The following DPYD variants were observed in gnomAD, a reference collection of about 807,000 sequenced individuals.
DPYD encodes dihydropyrimidine dehydrogenase [NADP(+)].
In DPYD, 109 loss-of-function variants were observed where a neutral mutation model predicts 116.2. The observed-to-expected ratio is 0.94, with a 90% CI of 0.80 to 1.10. The LOEUF is 1.10. Ranked by LOEUF, DPYD falls within the 50% of genes least tolerant of loss-of-function variation. DPYD has a pLI of 0.00. For synonymous variants in DPYD, 440 were observed against 432.0 expected, an observed-to-expected ratio of 1.02 and a Z score of -0.23; for missense variants, 1,302 against 1,254.5, an observed-to-expected ratio of 1.04 and a Z score of -0.57.
chr1:97,129,291 C>A (rs1462663491), intron 20 of DPYD, among the ~76,000 whole-genome samples: 1 of 151,974 alleles, frequency 6.6e-6, no homozygotes, highest in Non-Finnish European at 1.5e-5. Context: ...GTCTCGAACT[C>A]CTAACCTCAG....
intron 3 of DPYD, among the ~76,000 whole-genome samples, chr1:97,744,375 T>C (rs185823309): frequency 1.3e-4 from 20 of 152,164 alleles, no homozygotes; most frequent in Middle Eastern, 3.4e-3. Flanking sequence ...TTTGGAATTG[T>C]AACCTATGCT....
chr1:97,578,465 GA>G (rs914989562), intron 10 of DPYD, among the ~76,000 whole-genome samples: 60 of 148,234 alleles, frequency 4.0e-4, no homozygotes, highest in Middle Eastern at 3.4e-3. Context: ...GCCTCACAAA[GA>G]AAAAAAAAAT....
intron 5 of DPYD, among the ~76,000 whole-genome samples, chr1:97,713,123 T>C (rs1291493898): frequency 6.6e-6 from 1 of 152,120 alleles, no homozygotes; most frequent in Non-Finnish European, 1.5e-5. Context: ...GGCTTAAATG[T>C]TAACTTACAG....
intron 8 of DPYD, among the ~76,000 whole-genome samples, chr1:97,677,094 C>T (rs1413312203): frequency 6.6e-6 from 1 of 152,104 alleles, no homozygotes; most frequent in Non-Finnish European, 1.5e-5. Flanking sequence ...AATTAAAAAG[C>T]TGAAACACTA....
rs753950237 is a variant in DPYD, at chr1:97,082,400, G to A, written c.2837C>T (p.Ala946Val). 3 of 1,613,522 alleles carry A rather than the reference G, an allele frequency of 1.9e-6. No individual in the cohort carries two copies. The East Asian group carries it at 6.7e-5, about 36-fold the overall frequency. ...GATACACATTTCTTCATCAATCATAGCCACAACTTGCTCTACGTTGCTCAA... is the reference window on the plus strand; with the variant it reads ...GATACACATTTCTTCATCAATCATAACCACAACTTGCTCTACGTTGCTCAA... Reference protein sequence around the residue: ...GELSNVEQVVAMIDEEMCINC... With the variant: ...GELSNVEQVVVMIDEEMCINC... The change falls in exon 22 of 23, where the codon GCT becomes GTT. Residue 946 changes from alanine to valine, a missense_variant. Ala to Val is a moderately conservative substitution (Grantham distance 64, BLOSUM62 0). Transcript: ENST00000370192.
At chr1:97,335,449 A>G (rs1174995254) in intron 16 of DPYD, among the ~76,000 whole-genome samples, 1 of 152,172 alleles carries the variant, frequency 6.6e-6, no homozygotes, top group African/African-American at 2.4e-5. Flanking sequence ...TGATTGCAGG[A>G]GAACTTTGAG....
At chr1:97,689,768 G>C (rs573463721) in intron 7 of DPYD, among the ~76,000 whole-genome samples, 1 of 152,132 alleles carries the variant, frequency 6.6e-6, no homozygotes, top group South Asian at 2.1e-4. Context: ...CCCACTTATG[G>C]CTAAAGTTCG....
chr1:97,571,294 G>T (rs1046232464), intron 11 of DPYD, among the ~76,000 whole-genome samples: 1 of 151,934 alleles, frequency 6.6e-6, no homozygotes, highest in Non-Finnish European at 1.5e-5. Context: ...TTGTTTCCAA[G>T]TCTTTTACAT....
At chr1:97,390,486 G>T (rs144133763) in intron 14 of DPYD, among the ~76,000 whole-genome samples, 7 of 152,136 alleles carry the variant, frequency 4.6e-5, no homozygotes, top group African/African-American at 1.7e-4. Flanking sequence ...CAAATTTAGT[G>T]AAAGTGAGAT....
chr1:97,451,590 G>C (rs2101797358), intron 13 of DPYD, among the ~76,000 whole-genome samples: 1 of 152,100 alleles, frequency 6.6e-6, no homozygotes, highest in East Asian at 1.9e-4. Flanking sequence ...TTGCTATTGT[G>C]AAACCATGTT....
Position 97,740,427 on chromosome 1 carries a change from C to G in DPYD, c.286G>C (p.Asp96His), listed in dbSNP as rs773159364. Residue 96 changes from aspartate to histidine, a missense_variant, in exon 4 of 23, where the codon GAT becomes CAT. Transcript: ENST00000370192. ...PCQKSCPTNLDIKSFITSIAN... is the reference protein window; with the variant it reads ...PCQKSCPTNLHIKSFITSIAN... Reference sequence around the variant, plus strand: ...ATACTTGTGATGAATGATTTAATATCAAGATTAGTTGGACAGCTCTTCTGA... The same window carrying G: ...ATACTTGTGATGAATGATTTAATATGAAGATTAGTTGGACAGCTCTTCTGA... The G allele has an allele frequency of 5.6e-6, 9 of 1,612,960 alleles. No homozygotes were observed. The highest frequency in any genetic ancestry group is 7.6e-6 in the Non-Finnish European group (9 of 1,179,432).
chr1:97,557,284 A>C (rs1218865253), intron 11 of DPYD, among the ~76,000 whole-genome samples: 1 of 149,968 alleles, frequency 6.7e-6, no homozygotes, highest in African/African-American at 2.5e-5. Flanking sequence ...AGGTTGCGAA[A>C]ATTTTCTATT....
At chr1:97,587,268 G>A (rs1178381112) in intron 10 of DPYD, among the ~76,000 whole-genome samples, 1 of 152,092 alleles carries the variant, frequency 6.6e-6, no homozygotes, top group Non-Finnish European at 1.5e-5. Flanking sequence ...TTAGCTTTTT[G>A]TGCCTAGAGA....
chr1:97,380,625 C>A (rs1671901967), intron 15 of DPYD, among the ~76,000 whole-genome samples: 1 of 152,154 alleles, frequency 6.6e-6, no homozygotes, highest in South Asian at 2.1e-4. Context: ...TAGTATACAT[C>A]ATCATCACAT....
chr1:97,373,577 C>T lies in DPYD; in HGVS notation c.2042G>A (p.Gly681Asp). The change falls in exon 16 of 23, where the codon GGC (glycine) becomes GAC (aspartate). Residue 681 changes from glycine to aspartate, a missense_variant. By Grantham distance (94) the Gly-to-Asp change is moderately conservative. Transcript: ENST00000370192. The part of the protein sequence containing the change: ...CPHGMGERGM[G>D]LACGQDPELV... ...GGTCCTTACCTGCCCACAGGCCAGG[C>T]CCATTCCTCTTTCTCCCATGCCATG... 6.2e-7 allele frequency: 1 copy of T among 1,613,792 alleles called. No homozygotes were observed. Among genetic ancestry groups the T allele is most frequent in the Non-Finnish European group, 8.5e-7 (1 of 1,179,814 alleles).
chr1:97,177,490 A>G (rs1029574556), intron 20 of DPYD, among the ~76,000 whole-genome samples: 2 of 152,084 alleles, frequency 1.3e-5, no homozygotes, highest in Non-Finnish European at 2.9e-5. Flanking sequence ...TAAGAAACGA[A>G]GGGCAGTGAG....
At chr1:97,862,961 G>A (rs192459401) in intron 2 of DPYD, among the ~76,000 whole-genome samples, 83 of 151,610 alleles carry the variant, frequency 5.5e-4, no homozygotes, top group Non-Finnish European at 1.1e-3. Context: ...ACTGTAATAC[G>A]AAAAATACTT....
chr1:97,309,342 T>TGA (rs2101050999), intron 16 of DPYD, among the ~76,000 whole-genome samples: 1 of 150,956 alleles, frequency 6.6e-6, no homozygotes, highest in East Asian at 2.0e-4. Flanking sequence ...TGTGTGTGTG[T>TGA]GTGTGTGTGT....
chr1:97,080,907 C>T (rs1035223179), intron 22 of DPYD, among the ~76,000 whole-genome samples: 3 of 152,014 alleles, frequency 2.0e-5, no homozygotes, highest in East Asian at 3.9e-4. Flanking sequence ...TAGAATTCCA[C>T]GGTGGGAGCC....
Sources: gnomAD v4.1 joint callset for allele counts (sites outside exome capture counted in the v4.1 genomes callset) on GRCh38, gnomAD v4.1.1 for gene constraint, MANE v1.5 for transcripts, NCBI Gene and HGNC (gene_info 2026-07-23, HGNC 2026-07-21) for gene names.